Variants in NALCN observed in about 807,000 individuals in gnomAD.
The protein encoded by NALCN is sodium leak channel NALCN.
Under a neutral mutation model 225.3 loss-of-function variants are expected in NALCN, and 111 were observed. The ratio of observed to expected loss-of-function variants is 0.49; its 90% CI spans 0.42 to 0.58. The LOEUF is 0.58. Among genes scored for constraint, NALCN ranks in the 20% least tolerant of loss-of-function variants. The pLI is 0.00. For synonymous variants in NALCN, 764 were observed against 769.0 expected (o/e 0.99, Z 0.11); for missense variants, 1,378 against 2,202.4 (o/e 0.63, Z 7.49).
chr13:101,408,087 G>GCCA, intron 1 of NALCN, among the ~76,000 whole-genome samples: 1 of 152,254 alleles, frequency 6.6e-6, no homozygotes, highest in South Asian at 2.1e-4. Flanking sequence ...CCACGAGGGA[G>GCCA]CCAGGTCTTT....
At chr13:101,335,800 T>TA (rs940070222) in intron 7 of NALCN, among the ~76,000 whole-genome samples, 7 of 151,908 alleles carry the variant, frequency 4.6e-5, no homozygotes, top group African/African-American at 1.5e-4. Flanking sequence ...AGTAAAAATA[T>TA]ACGTTCTGTA....
rs2043693412 is a variant in NALCN, at chr13:101,295,070, G to GC, written c.800-2705dup. Among the ~76,000 whole-genome samples, 3 of 152,052 alleles carry GC rather than the reference G, an allele frequency of 2.0e-5. No homozygotes were observed. The South Asian group carries it at 6.2e-4, about 32-fold the overall frequency. Reference sequence around the variant, plus strand: ...CCCTATCTTATCCATATGAACAGGCGCCCCCTCATGCATCTGTTCATAGGC... The same window carrying GC: ...CCCTATCTTATCCATATGAACAGGCGCCCCCCTCATGCATCTGTTCATAGGC... On this transcript the variant is annotated intron_variant, in intron 7 of 43. Transcript: ENST00000251127.
At chr13:101,102,607 A>G (rs1409650131) in intron 26 of NALCN, among the ~76,000 whole-genome samples, 1 of 152,208 alleles carries the variant, frequency 6.6e-6, no homozygotes, top group Admixed American at 6.5e-5. Context: ...ATGTTTGCCC[A>G]GCTAGAAAGT....
At chr13:101,337,084 C>T (rs1594700336) in intron 7 of NALCN, among the ~76,000 whole-genome samples, 1 of 152,090 alleles carries the variant, frequency 6.6e-6, no homozygotes, top group African/African-American at 2.4e-5. Context: ...AGCTCAGTAG[C>T]TTATAAAACT....
At chr13:101,293,665 A>G (rs977766512) in intron 7 of NALCN, among the ~76,000 whole-genome samples, 6 of 152,216 alleles carry the variant, frequency 3.9e-5, no homozygotes, top group South Asian at 2.1e-4. Flanking sequence ...GAGCCTGTGC[A>G]TGAGAAAGCA....
intron 6 of NALCN, among the ~76,000 whole-genome samples, chr13:101,349,328 C>G (rs1376832491): frequency 1.3e-5 from 2 of 152,224 alleles, no homozygotes; most frequent in East Asian, 1.9e-4. Context: ...CAGCAGTGCT[C>G]TGAATTGTTG....
intron 17 of NALCN, among the ~76,000 whole-genome samples, chr13:101,126,459 T>C (rs974388045): frequency 1.2e-4 from 18 of 152,162 alleles, no homozygotes; most frequent in African/African-American, 4.3e-4. Context: ...GAAACTTTCC[T>C]ACTTCTCCCC....
At chr13:101,389,939 G>A (rs113295219) in intron 3 of NALCN, among the ~76,000 whole-genome samples, 13 of 152,134 alleles carry the variant, frequency 8.5e-5, no homozygotes, top group Admixed American at 2.6e-4. Context: ...AAAATTAGCC[G>A]GGTGTGGTGG....
intron 10 of NALCN, among the ~76,000 whole-genome samples, chr13:101,260,935 T>TA (rs970536371): frequency 1.3e-5 from 2 of 152,208 alleles, no homozygotes; most frequent in Middle Eastern, 3.2e-3. Context: ...GTATTGCTCA[T>TA]AAAATCTTTG....
At chr13:101,415,607 G>A (rs1393832213) in intron 1 of NALCN, among the ~76,000 whole-genome samples, 2 of 152,204 alleles carry the variant, frequency 1.3e-5, no homozygotes, top group African/African-American at 2.4e-5. Flanking sequence ...ATCCTTGCTG[G>A]TGTCTTAAAG....
chr13:101,107,640 C>T (rs755603410), intron 21 of NALCN, 31 bp from the exon 22 acceptor site: 1 of 1,613,990 alleles, frequency 6.2e-7, no homozygotes, highest in Non-Finnish European at 8.5e-7. Context: ...GAGAATGAGG[C>T]TAAGGGAAAT....
At chr13:101,377,839 T>A (rs2046737724) in intron 4 of NALCN, among the ~76,000 whole-genome samples, 1 of 151,768 alleles carries the variant, frequency 6.6e-6, no homozygotes, top group Non-Finnish European at 1.5e-5. Context: ...ACAGATCAAA[T>A]CAAATCAATA....
At chr13:101,088,494 T>C (rs6650268) in intron 30 of NALCN, among the ~76,000 whole-genome samples, 10 of 152,296 alleles carry the variant, frequency 6.6e-5, no homozygotes, top group African/African-American at 2.2e-4. Flanking sequence ...CCTGCGGTAA[T>C]AGGCACCAAT....
intron 15 of NALCN, among the ~76,000 whole-genome samples, chr13:101,172,964 C>T (rs937884325): frequency 7.2e-5 from 11 of 152,086 alleles, no homozygotes; most frequent in African/African-American, 1.2e-4. Context: ...AAAAACATAT[C>T]GATAATAAAA....
chr13:101,212,665 G>A lies in NALCN; in HGVS notation c.1626+16728C>T, dbSNP rs146811541. On this transcript the variant is annotated intron_variant, in intron 13 of 43. Coordinates refer to ENST00000251127, the MANE Select transcript of NALCN (RefSeq NM_052867.4). ...ATGATTTTCAGTGGTGTGGCAGACTGAGGGAGGGTAAAGCTGAGGCTATGA... is the reference window on the plus strand; with the variant it reads ...ATGATTTTCAGTGGTGTGGCAGACTAAGGGAGGGTAAAGCTGAGGCTATGA... Among the ~76,000 whole-genome samples, 717 of 152,258 alleles carry A rather than the reference G, an allele frequency of 4.7e-3. 8 individuals carry two copies. Among genetic ancestry groups the A allele is most frequent in the African/African-American group, 0.017 (698 of 41,540 alleles).
chr13:101,202,958 G>A (rs17622124), intron 13 of NALCN, among the ~76,000 whole-genome samples: 1 of 152,060 alleles, frequency 6.6e-6, no homozygotes, highest in Non-Finnish European at 1.5e-5. Context: ...CTTTCACAGC[G>A]TCTGAGTCTA....
chr13:101,272,613 C>A (rs1410110442), intron 10 of NALCN, among the ~76,000 whole-genome samples: 1 of 152,084 alleles, frequency 6.6e-6, no homozygotes, highest in South Asian at 2.1e-4. Context: ...TATCAAAATA[C>A]TGAAGTAATG....
At chr13:101,256,209 C>G (rs1322368432) in intron 11 of NALCN, among the ~76,000 whole-genome samples, 3 of 152,224 alleles carry the variant, frequency 2.0e-5, no homozygotes, top group African/African-American at 2.4e-5. Flanking sequence ...GGACTCCACT[C>G]TCTGATCATA....
At chr13:101,291,902 G>T in intron 9 of NALCN, 88 bp downstream of exon 9, 1 of 1,312,646 alleles carries the variant, frequency 7.6e-7, no homozygotes, top group Non-Finnish European at 1.1e-6. Context: ...AGCCCATCAT[G>T]CAAGAGCTTC....
Sources: gnomAD v4.1 joint callset for allele counts (sites outside exome capture counted in the v4.1 genomes callset) on GRCh38, gnomAD v4.1.1 for gene constraint, MANE v1.5 for transcripts, NCBI Gene and HGNC (gene_info 2026-07-23, HGNC 2026-07-21) for gene names.